The following GALNT5 variants were observed in gnomAD, a reference collection of about 807,000 sequenced individuals.
GALNT5 encodes polypeptide N-acetylgalactosaminyltransferase 5.
Under a neutral mutation model 85.4 loss-of-function variants are expected in GALNT5, and 72 were observed. The ratio of observed to expected loss-of-function variants is 0.84; its 90% confidence interval spans 0.70 to 1.03. The LOEUF is 1.03. Among genes scored for constraint, GALNT5 ranks in the 50% least tolerant of loss-of-function variants. The pLI is 0.00. For missense variants in GALNT5, 1,137 were observed against 1,135.5 expected, an observed-to-expected ratio of 1.00 and a Z score of -0.02; for synonymous variants, 404 against 397.0, an observed-to-expected ratio of 1.02 and a Z score of -0.21.
Position 157,286,108 on chromosome 2 carries a change from G to A in GALNT5, c.1715G>A (p.Arg572Lys). 1 of 1,613,630 alleles carries A rather than the reference G, an allele frequency of 6.2e-7. No homozygotes were observed. Among genetic ancestry groups the A allele is most frequent in the Non-Finnish European group, 8.5e-7 (1 of 1,179,520 alleles). Residue 572 changes from arginine to lysine, a missense_variant, in exon 3 of 10, where the codon AGG (arginine) becomes AAG (lysine). Arg to Lys is a conservative substitution (Grantham distance 26). Transcript: ENST00000259056. ...GAGAGACATGGCTTAATAAGGGCCA[G>A]GCTGGCAGGAGCACAGAATGCAACA... ...LKERHGLIRA[R>K]LAGAQNATGD...
intron 8 of GALNT5, among the ~76,000 whole-genome samples, chr2:157,306,849 T>C (rs1683464510): frequency 6.6e-6 from 1 of 152,204 alleles, no homozygotes; most frequent in Admixed American, 6.5e-5. Flanking sequence ...GCCACTCTTT[T>C]TTAATTAGGA....
intron 1 of GALNT5, among the ~76,000 whole-genome samples, chr2:157,260,484 AT>A (rs898231784): frequency 1.3e-5 from 2 of 152,098 alleles, no homozygotes; most frequent in South Asian, 2.1e-4. Context: ...GGTTCCTGGC[AT>A]TTTTTTTCTT....
intron 1 of GALNT5, among the ~76,000 whole-genome samples, chr2:157,278,485 C>T (rs1682787243): frequency 6.6e-6 from 1 of 152,188 alleles, no homozygotes; most frequent in Non-Finnish European, 1.5e-5. Context: ...CACATAGTCC[C>T]ATATTTCTTG....
rs1195640596 is a variant in GALNT5 at position 157,258,594 on chromosome 2, C to T, written c.512C>T (p.Thr171Ile). Residue 171 changes from threonine (T) to isoleucine (I), a missense_variant, in exon 1 of 10, where the codon ACC becomes ATC. Transcript: ENST00000259056. ...ACGACAGCTCAGGGGGCTCCAAAGACCTCATTCATAGCAGCAAAAGGAACT... is the reference window on the plus strand; with the variant it reads ...ACGACAGCTCAGGGGGCTCCAAAGATCTCATTCATAGCAGCAAAAGGAACT... ...KQTTAQGAPK[T>I]SFIAAKGTQV... 2 of 1,613,526 alleles carry T rather than the reference C, an allele frequency of 1.2e-6. No homozygotes were observed. Among genetic ancestry groups the T allele is most frequent in the Non-Finnish European group, 1.7e-6 (2 of 1,179,926 alleles).
Position 157,317,194 on chromosome 2 carries a change from A to G in GALNT5, c.*5846A>G, listed in dbSNP as rs928377894. On this transcript the variant is annotated 3_prime_UTR_variant, in exon 10 of 10. Coordinates refer to ENST00000259056, the MANE Select transcript of GALNT5 (RefSeq NM_014568.3). ...TGTGTGTATATATATATATATATAT[A>G]TATATTTTTTTTTTTGATGCTTTGA... Among the ~76,000 whole-genome samples the G allele has an allele frequency of 1.5e-5, 2 of 132,824 alleles. No homozygotes were observed. Among genetic ancestry groups the G allele is most frequent in the Non-Finnish European group, 3.0e-5 (2 of 65,576 alleles). The allele number at this position is 132,824 out of a possible 152,430, so 87.1% of individuals were successfully genotyped here.
At position 157,295,729 on chromosome 2, in the gene GALNT5, A is replaced by G. The variant is rs1339363540; in HGVS notation, c.1808A>G (p.Glu603Gly). 1 of 1,610,960 alleles carries G rather than the reference A, an allele frequency of 6.2e-7. No individual in the cohort carries two copies. The highest frequency in any genetic ancestry group is 1.7e-5 in the Admixed American group (1 of 59,998). The change falls in exon 4 of 10, where the codon GAA becomes GGA. Residue 603 changes from glutamate to glycine, a missense_variant. By Grantham distance (98) the Glu-to-Gly change is moderately conservative. Coordinates refer to ENST00000259056, the MANE Select transcript of GALNT5 (RefSeq NM_014568.3). ...GTTGGTTGGTTGGAACCTCTTCTGGAAAGAGTTTATTTAAGTAGAAAGAAA... is the reference window on the plus strand; with the variant it reads ...GTTGGTTGGTTGGAACCTCTTCTGGGAAGAGTTTATTTAAGTAGAAAGAAA... ...CNVGWLEPLL[E>G]RVYLSRKKVA...
At position 157,258,026 on chromosome 2, in the gene GALNT5, C is replaced by A; in HGVS notation, c.-57C>A. 6.3e-7 allele frequency: 1 copy of A among 1,594,548 alleles called. No individual in the cohort carries two copies. The highest frequency in any genetic ancestry group is 8.5e-7 in the Non-Finnish European group (1 of 1,171,554). The stretch of plus-strand genomic sequence containing the variant: ...GCTGCTGCTGCTACTTCAGCTTCCT[C>A]TCCACTCAAGGTAAGCAGGCTAAGG... On this transcript the variant is annotated 5_prime_UTR_variant, in exon 1 of 10. Coordinates refer to ENST00000259056, the MANE Select transcript of GALNT5 (RefSeq NM_014568.3).
rs750643998 is a variant in GALNT5 at position 157,258,735 on chromosome 2, T to G, written c.653T>G (p.Val218Gly). The change falls in exon 1 of 10, where the codon GTG becomes GGG. Residue 218 changes from valine to glycine, a missense_variant. Coordinates refer to ENST00000259056, the MANE Select transcript of GALNT5 (RefSeq NM_014568.3). ...SKLAAERDLN[V>G]TISLSTDRPK... The stretch of plus-strand genomic sequence containing the variant: ...CTAGCAGCTGAAAGGGACTTGAATG[T>G]GACCATCAGTCTTAGTACTGATAGA... 2 of 1,613,948 alleles carry G rather than the reference T, an allele frequency of 1.2e-6. No homozygotes were observed. The highest frequency in any genetic ancestry group is 1.7e-5 in the Admixed American group (1 of 60,004).
At chr2:157,308,428 A>C in intron 8 of GALNT5, 139 bp from the exon 9 acceptor site, 1 of 662,394 alleles carries the variant, frequency 1.5e-6, no homozygotes, top group Non-Finnish European at 2.7e-6. Flanking sequence ...TCAGAATTAC[A>C]AATGATAATA....
chr2:157,258,037 GT>G lies in GALNT5; in HGVS notation c.-45del. On this transcript the variant is annotated 5_prime_UTR_variant, in exon 1 of 10. Transcript: ENST00000259056. ...TACTTCAGCTTCCTCTCCACTCAAG[GT>G]AAGCAGGCTAAGGGAGGGCAGGCTG... The G allele has an allele frequency of 6.2e-7, 1 of 1,602,216 alleles. No homozygotes were observed. The highest frequency in any genetic ancestry group is 8.5e-7 in the Non-Finnish European group (1 of 1,177,342).
At chr2:157,309,114 C>T (rs1325360393) in intron 9 of GALNT5, among the ~76,000 whole-genome samples, 1 of 152,106 alleles carries the variant, frequency 6.6e-6, no homozygotes, top group Non-Finnish European at 1.5e-5. Flanking sequence ...TCCTACAAGT[C>T]CTGCACTTTA....
At chr2:157,276,556 G>C (rs1399791968) in intron 1 of GALNT5, among the ~76,000 whole-genome samples, 1 of 151,898 alleles carries the variant, frequency 6.6e-6, no homozygotes, top group South Asian at 2.1e-4. Flanking sequence ...GTCTTGGGAG[G>C]GTATATGTGT....
chr2:157,265,651 G>A (rs1485699891), intron 1 of GALNT5, among the ~76,000 whole-genome samples: 1 of 152,142 alleles, frequency 6.6e-6, no homozygotes, highest in Non-Finnish European at 1.5e-5. Flanking sequence ...ATATTGCCCT[G>A]GTACTCTTGG....
At position 157,258,484 on chromosome 2, in the gene GALNT5, C is replaced by T. The variant is rs769554886; in HGVS notation, c.402C>T (p.Thr134=). The change falls in exon 1 of 10, where the codon ACC becomes ACT. Residue 134 remains threonine, a synonymous_variant. Coordinates refer to ENST00000259056, the MANE Select transcript of GALNT5 (RefSeq NM_014568.3). ...VPLWHPAHLQ[T]LPVTPNKQKT... Reference sequence around the variant, plus strand: ...TGTGGCATCCTGCACATCTGCAGACCCTCCCTGTGACTCCTAACAAGCAGA... The same window carrying T: ...TGTGGCATCCTGCACATCTGCAGACTCTCCCTGTGACTCCTAACAAGCAGA... 57 of 1,607,216 alleles carry T rather than the reference C, an allele frequency of 3.5e-5. No individual in the cohort carries two copies. Among genetic ancestry groups the T allele is most frequent in the Non-Finnish European group, 2.2e-5 (26 of 1,177,844 alleles).
intron 7 of GALNT5, among the ~76,000 whole-genome samples, chr2:157,303,787 TC>T (rs1369974886): frequency 6.6e-6 from 1 of 152,186 alleles, no homozygotes; most frequent in Non-Finnish European, 1.5e-5. Flanking sequence ...TATCTTTCCT[TC>T]CAATGCTTTT....
At chr2:157,262,819 CTTTTTTTTTTTT>C (rs535380585) in intron 1 of GALNT5, among the ~76,000 whole-genome samples, 9 of 100,946 alleles carry the variant, frequency 8.9e-5, no homozygotes, top group South Asian at 6.3e-4. Flanking sequence ...TTTCACAACT[CTTTTTTTTTTTT>C]TTTTTTTTTT....
chr2:157,310,374 G>A (rs988398105), intron 9 of GALNT5, among the ~76,000 whole-genome samples: 1 of 152,076 alleles, frequency 6.6e-6, no homozygotes, highest in Non-Finnish European at 1.5e-5. Flanking sequence ...TAAACAACAA[G>A]AGAAGTATAA....
At chr2:157,290,335 G>A (rs1683073568) in intron 3 of GALNT5, among the ~76,000 whole-genome samples, 1 of 152,018 alleles carries the variant, frequency 6.6e-6, no homozygotes, top group African/African-American at 2.4e-5. Context: ...AAGAAGAAAG[G>A]TTTGTCTCGA....
At chr2:157,281,280 G>A (rs543171501) in intron 1 of GALNT5, among the ~76,000 whole-genome samples, 8 of 152,284 alleles carry the variant, frequency 5.3e-5, no homozygotes, top group Non-Finnish European at 7.3e-5. Flanking sequence ...GGCCAGGCTG[G>A]TCTTGAACTC....
Sources: gnomAD v4.1 joint callset for allele counts (sites outside exome capture counted in the v4.1 genomes callset) on GRCh38, gnomAD v4.1.1 for gene constraint, MANE v1.5 for transcripts, NCBI Gene and HGNC (gene_info 2026-07-23, HGNC 2026-07-21) for gene names.